The following CAMK2B variants were observed in gnomAD, a reference collection of about 807,000 sequenced individuals.
CAMK2B encodes calcium/calmodulin-dependent protein kinase type II subunit beta.
A neutral mutation model predicts 93.7 loss-of-function variants in CAMK2B; 27 were observed. That is an observed-to-expected ratio of 0.29 (90% CI 0.21 to 0.40). The LOEUF is 0.40. Among genes scored for constraint, CAMK2B ranks in the 10% least tolerant of loss-of-function variants. The probability of loss-of-function intolerance (pLI) is 1.00; values close to 1 mark genes in which losing one functional copy is unlikely to be tolerated. For missense variants in CAMK2B, 568 were observed against 895.8 expected (o/e 0.63, Z 4.67); for synonymous variants, 374 against 358.8 (o/e 1.04, Z -0.48).
intron 3 of CAMK2B, 118 bp downstream of exon 3, chr7:44,262,887 C>T: frequency 1.1e-6 from 1 of 878,856 alleles, no homozygotes; most frequent in Non-Finnish European, 1.8e-6. Context: ...GATATTTCAA[C>T]AGAGAAGAAA....
At chr7:44,284,637 G>A (rs111386168) in intron 1 of CAMK2B, among the ~76,000 whole-genome samples, 9 of 152,338 alleles carry the variant, frequency 5.9e-5, no homozygotes, top group African/African-American at 1.9e-4. Context: ...CATCCTCGGG[G>A]GCTCTGTACC....
intron 5 of CAMK2B, among the ~76,000 whole-genome samples, chr7:44,251,681 C>T (rs932595878): frequency 3.3e-5 from 5 of 152,354 alleles, no homozygotes; most frequent in African/African-American, 1.2e-4. Context: ...GAGCTCCAAA[C>T]CCTCAATGGA....
chr7:44,284,057 G>A, intron 2 of CAMK2B, 74 bp downstream of exon 2: 6 of 1,145,962 alleles, frequency 5.2e-6, no homozygotes, highest in Non-Finnish European at 7.8e-6. Context: ...CTGCTGCCCA[G>A]TCCACAGGGC....
chr7:44,229,284 G>A, intron 18 of CAMK2B, 104 bp downstream of exon 18: 2 of 747,714 alleles, frequency 2.7e-6, no homozygotes, highest in South Asian at 1.9e-5. Flanking sequence ...TGAGGCTGGA[G>A]CCAGGGTCCA....
At chr7:44,253,363 G>A (rs553894762) in intron 5 of CAMK2B, among the ~76,000 whole-genome samples, 6 of 151,820 alleles carry the variant, frequency 4.0e-5, no homozygotes, top group South Asian at 4.2e-4. Context: ...ACAGGCATGC[G>A]CCACCACGCC....
chr7:44,231,939 C>T (rs1193088955), intron 16 of CAMK2B, among the ~76,000 whole-genome samples: 2 of 152,258 alleles, frequency 1.3e-5, no homozygotes, highest in Admixed American at 1.3e-4. Context: ...AACTACAGGT[C>T]TTTAGGTGCA....
At chr7:44,258,238 CAT>C (rs760424356) in intron 4 of CAMK2B, among the ~76,000 whole-genome samples, 4 of 152,220 alleles carry the variant, frequency 2.6e-5, no homozygotes, top group Non-Finnish European at 5.9e-5. Context: ...CAAACACACA[CAT>C]ACACATGCAT....
chr7:44,304,807 G>A (rs1425533604), intron 1 of CAMK2B, among the ~76,000 whole-genome samples: 1 of 152,080 alleles, frequency 6.6e-6, no homozygotes, highest in South Asian at 2.1e-4. Context: ...CCAAACTAAT[G>A]CCAGATGTTA....
intron 1 of CAMK2B, among the ~76,000 whole-genome samples, chr7:44,306,965 T>C (rs1486064080): frequency 1.5e-5 from 1 of 67,114 alleles, no homozygotes; most frequent in Non-Finnish European, 2.8e-5. Flanking sequence ...GGGAGGAGGA[T>C]GTGAGAAAGG....
At chr7:44,238,997 C>A (rs1289378610) in intron 13 of CAMK2B, among the ~76,000 whole-genome samples, 1 of 152,198 alleles carries the variant, frequency 6.6e-6, no homozygotes, top group Non-Finnish European at 1.5e-5. Flanking sequence ...GGGTTTGAGG[C>A]CAGGGGAGGA....
chr7:44,255,907 G>C (rs756165412), intron 4 of CAMK2B, among the ~76,000 whole-genome samples: 2 of 152,238 alleles, frequency 1.3e-5, no homozygotes, highest in Non-Finnish European at 2.9e-5. Context: ...AGCAATGTGA[G>C]GGTGAAATGC....
intron 1 of CAMK2B, among the ~76,000 whole-genome samples, chr7:44,294,357 C>T: frequency 6.6e-6 from 1 of 152,154 alleles, no homozygotes; most frequent in South Asian, 2.1e-4. Context: ...AGCAAAAGGG[C>T]TACGGAACAG....
chr7:44,221,011 G>T, intron 20 of CAMK2B, 110 bp from the exon 21 acceptor site: 3 of 852,406 alleles, frequency 3.5e-6, no homozygotes, highest in Admixed American at 2.3e-5. Context: ...TCCATGCCGT[G>T]TTCCTGCCGC....
At position 44,311,194 on chromosome 7, in the gene CAMK2B, A is replaced by T. The variant is rs1316140068; in HGVS notation, c.65+14163T>A. On this transcript the variant is annotated intron_variant, in intron 1 of 23. Transcript: ENST00000395749. The surrounding 1 kb of genome is among the most constrained non-coding windows in gnomAD (Gnocchi z 4.2). ...TGGTTCAAGCGATTCTCCTGCCTCA[A>T]CCTCCTGAGTAGCTGGGATTACAGG... is the stretch of plus-strand genomic sequence containing the variant. Among the ~76,000 whole-genome samples the T allele has an allele frequency of 6.6e-5, 10 of 151,908 alleles. No homozygotes were observed. The highest frequency in any genetic ancestry group is 1.0e-4 in the Non-Finnish European group (7 of 67,974).
intron 1 of CAMK2B, among the ~76,000 whole-genome samples, chr7:44,319,164 A>G (rs906327397): frequency 7.2e-5 from 11 of 152,202 alleles, no homozygotes. Flanking sequence ...ATCAGATTCA[A>G]TTTTTGTGGG....
intron 1 of CAMK2B, among the ~76,000 whole-genome samples, chr7:44,301,212 T>C (rs1219740016): frequency 6.6e-6 from 1 of 152,154 alleles, no homozygotes; most frequent in Non-Finnish European, 1.5e-5. Flanking sequence ...ACCGCAGCCT[T>C]GAACTCCTAG....
Position 44,219,076 on chromosome 7 carries a change from G to C in CAMK2B, c.*449C>G, listed in dbSNP as rs542721382. On this transcript the variant is annotated 3_prime_UTR_variant, in exon 24 of 24. Transcript: ENST00000395749. ...ACGTGGAGCCCATGCGTTGGCAGGA[G>C]GATGCAGACACCTTAGGTGTGGGGT... The C allele has an allele frequency of 6.6e-6, 1 of 152,420 alleles. No individual in the cohort carries two copies. The highest frequency in any genetic ancestry group is 1.9e-4 in the East Asian group (1 of 5,176). The allele number at this position is 152,420 out of a possible 1,614,324, so 9.4% of individuals were successfully genotyped here. A position where few individuals can be genotyped will look rare whatever the true frequency, so the allele number is the denominator to read the frequency against.
intron 17 of CAMK2B, 120 bp downstream of exon 17, chr7:44,230,886 T>G: frequency 1.2e-6 from 1 of 822,222 alleles, no homozygotes; most frequent in Non-Finnish European, 2.0e-6. Context: ...CCTGAGCCCC[T>G]CAACACATGC....
intron 2 of CAMK2B, among the ~76,000 whole-genome samples, chr7:44,281,778 A>G (rs1225151868): frequency 6.6e-6 from 1 of 151,648 alleles, no homozygotes; most frequent in Admixed American, 6.6e-5. Flanking sequence ...TCCTCCTCCC[A>G]CCTGCTTGTC....
Sources: allele counts gnomAD v4.1 joint callset (sites outside exome capture counted in the v4.1 genomes callset), GRCh38; gene constraint gnomAD v4.1.1; non-coding constraint Gnocchi (gnomAD v3.1); transcripts MANE v1.5; gene names NCBI Gene and HGNC (gene_info 2026-07-23, HGNC 2026-07-21).